The following CFI variants were observed in gnomAD, a reference collection of about 807,000 sequenced individuals.
CFI encodes the protein C3B/C4B inactivator.
Under a neutral mutation model 78.8 loss-of-function variants are expected in CFI, and 66 were observed. The ratio of observed to expected loss-of-function variants is 0.84; its 90% CI spans 0.69 to 1.03. The LOEUF is 1.03. CFI is among the 50% of genes least tolerant of loss of function. The pLI is 0.00. For synonymous variants in CFI, 250 were observed against 232.6 expected, an observed-to-expected ratio of 1.07 and a Z score of -0.68; for missense variants, 706 against 704.5, an observed-to-expected ratio of 1.00 and a Z score of -0.02.
At chr4:109,746,609 C>G (rs1449169779) in intron 10 of CFI, 107 bp from the exon 11 acceptor site, 1 of 971,096 alleles carries the variant, frequency 1.0e-6, no homozygotes, top group East Asian at 2.6e-5. Flanking sequence ...TTTTCATTTC[C>G]CCAGAATTTT....
chr4:109,791,365 G>A (rs1042407953), intron 1 of CFI, among the ~76,000 whole-genome samples: 1 of 151,192 alleles, frequency 6.6e-6, no homozygotes, highest in African/African-American at 2.4e-5. Context: ...TGCATAATTT[G>A]CAAACATTTT....
In CFI at chr4:109,746,398, T is replaced by A. The variant is rs121964912; in HGVS notation, c.1253A>T (p.His418Leu). Residue 418 changes from histidine (H) to leucine (L), a missense_variant, in exon 11 of 13, where the codon CAT becomes CTT. Transcript: ENST00000394634. Reference protein sequence around the residue: ...VIEYVDRIIFHENYNAGTYQN... With the variant: ...VIEYVDRIIFLENYNAGTYQN... ...GTAAGTGCCTGCATTGTAGTTTTCA[T>A]GGAAAATAATTCTATCCACGTATTC... is the stretch of plus-strand genomic sequence containing the variant. 61 of 1,614,160 alleles carry A rather than the reference T, an allele frequency of 3.8e-5. No homozygotes were observed. Among genetic ancestry groups the A allele is most frequent in the Non-Finnish European group, 4.8e-5 (57 of 1,180,028 alleles).
chr4:109,766,939 G>T, intron 1 of CFI, 115 bp from the exon 2 acceptor site: 1 of 965,820 alleles, frequency 1.0e-6, no homozygotes, highest in Non-Finnish European at 1.6e-6. Flanking sequence ...GATGAGGATG[G>T]TGTTGTCTGG....
chr4:109,731,599 T>C, the CFI span, among the ~76,000 whole-genome samples: 1 of 152,128 alleles, frequency 6.6e-6, no homozygotes, highest in Admixed American at 6.5e-5. Flanking sequence ...GTTAGAAACA[T>C]AGAAAGGCAT....
At chr4:109,745,390 A>T (rs538109286) in intron 11 of CFI, among the ~76,000 whole-genome samples, 1 of 152,042 alleles carries the variant, frequency 6.6e-6, no homozygotes, top group South Asian at 2.1e-4. Flanking sequence ...AGTGTCTCAA[A>T]CTCCTGGGCT....
Position 109,792,432 on chromosome 4 carries a change from C to T in CFI, c.57+9483G>A, listed in dbSNP as rs570372019. Reference sequence around the variant, plus strand: ...CTCTACTAAAAATACACAAATTAGCCGGGCGTGGTGGTGCACTCCTATAAT... The same window carrying T: ...CTCTACTAAAAATACACAAATTAGCTGGGCGTGGTGGTGCACTCCTATAAT... On this transcript the variant is annotated intron_variant, in intron 1 of 12. Coordinates refer to ENST00000394634, the MANE Select transcript of CFI (RefSeq NM_000204.5). 1.5e-4 allele frequency among the ~76,000 whole-genome samples: 23 copies of T among 152,104 alleles called. No individual in the cohort carries two copies. The East Asian group carries it at 3.5e-3, about 23-fold the overall frequency.
chr4:109,796,151 G>A (rs1193786722), intron 1 of CFI, among the ~76,000 whole-genome samples: 1 of 152,124 alleles, frequency 6.6e-6, no homozygotes, highest in Non-Finnish European at 1.5e-5. Context: ...AAAACTATCA[G>A]TGGATTTATT....
At chr4:109,787,338 C>T (rs527492359) in intron 1 of CFI, among the ~76,000 whole-genome samples, 1 of 152,138 alleles carries the variant, frequency 6.6e-6, no homozygotes, top group Admixed American at 6.6e-5. Context: ...AGTTTTAGGC[C>T]CCCTGTGGCC....
At chr4:109,751,438 C>CTTTTTTTTTTTTTTTTTTTTTTTTTTTT in intron 8 of CFI, among the ~76,000 whole-genome samples, 1 of 100,356 alleles carries the variant, frequency 1.0e-5, no homozygotes, top group African/African-American at 3.9e-5. Flanking sequence ...AGAGCTAAAT[C>CTTTTTTTTTTTTTTTTTTTTTTTTTTTT]TTTTTTTTTT....
the CFI span, among the ~76,000 whole-genome samples, chr4:109,733,755 G>A: frequency 6.6e-5 from 10 of 152,256 alleles, no homozygotes; most frequent in East Asian, 3.8e-4. Flanking sequence ...AGGGTTTTGC[G>A]GGAAAATTTT....
chr4:109,761,485 A>T, intron 4 of CFI, 32 bp downstream of exon 4: 1 of 1,607,666 alleles, frequency 6.2e-7, no homozygotes, highest in Non-Finnish European at 8.5e-7. Context: ...ACCTTCAAGG[A>T]AGGGAAAATA....
intron 7 of CFI, among the ~76,000 whole-genome samples, chr4:109,756,113 C>T (rs534442249): frequency 9.9e-5 from 15 of 152,072 alleles, no homozygotes; most frequent in Admixed American, 6.5e-4. Flanking sequence ...AACAAAAAAA[C>T]GTACATATTA....
intron 1 of CFI, among the ~76,000 whole-genome samples, chr4:109,774,314 G>T (rs1246036042): frequency 6.6e-6 from 1 of 152,154 alleles, no homozygotes; most frequent in Non-Finnish European, 1.5e-5. Context: ...ACAGAATATG[G>T]AGAGTGAGGG....
At position 109,742,609 on chromosome 4, in the gene CFI, G is replaced by C. The variant is rs1452912488; in HGVS notation, c.1430-14C>G. ...CTCTTTCGTTATCTAAACAAAGTGA[G>C]AAAGCAAACATTTAGAAGTCACAAA... On this transcript the variant is annotated splice_polypyrimidine_tract_variant and intron_variant, in intron 11 of 12. Coordinates refer to ENST00000394634, the MANE Select transcript of CFI (RefSeq NM_000204.5). 1.3e-6 allele frequency: 2 copies of C among 1,499,958 alleles called. No homozygotes were observed. The highest frequency in any genetic ancestry group is 1.9e-6 in the Non-Finnish European group (2 of 1,076,552). 92.9% of individuals were successfully genotyped at this position (1,499,958 alleles called of 1,614,324 possible).
At chr4:109,757,976 A>G (rs779727789) in intron 6 of CFI, 193 bp from the exon 7 acceptor site, 1 of 1,456,504 alleles carries the variant, frequency 6.9e-7, no homozygotes, top group South Asian at 1.3e-5. Context: ...CAAAAAACAA[A>G]AAACTCACTA....
intron 1 of CFI, among the ~76,000 whole-genome samples, chr4:109,797,831 C>G (rs1460419087): frequency 2.0e-5 from 3 of 152,032 alleles, no homozygotes; most frequent in Non-Finnish European, 4.4e-5. Flanking sequence ...TATCACTAAC[C>G]ATTAGGGAAA....
At chr4:109,773,645 G>A (rs552947985) in intron 1 of CFI, among the ~76,000 whole-genome samples, 1 of 152,308 alleles carries the variant, frequency 6.6e-6, no homozygotes, top group Admixed American at 6.5e-5. Context: ...TACTGGTGTA[G>A]GGAGTATGGG....
intron 1 of CFI, among the ~76,000 whole-genome samples, chr4:109,801,679 A>G (rs1732784763): frequency 6.6e-6 from 1 of 152,198 alleles, no homozygotes; most frequent in Non-Finnish European, 1.5e-5. Context: ...TATTAGTAAA[A>G]TTCTTGTTCA....
intron 2 of CFI, among the ~76,000 whole-genome samples, chr4:109,764,891 A>G (rs1727542507): frequency 6.6e-6 from 1 of 152,208 alleles, no homozygotes; most frequent in African/African-American, 2.4e-5. Flanking sequence ...ATAGAGGATC[A>G]TTAAATACTC....
Sources: allele counts gnomAD v4.1 joint callset (sites outside exome capture counted in the v4.1 genomes callset), GRCh38; gene constraint gnomAD v4.1.1; transcripts MANE v1.5; gene names NCBI Gene and HGNC (gene_info 2026-07-23, HGNC 2026-07-21).